Variants in TBC1D5 observed in about 807,000 individuals in gnomAD.
TBC1D5 encodes the protein TBC1 domain family member 5, also known as TBC1 domain family, member 5.
In TBC1D5, 75 loss-of-function variants were observed where a neutral mutation model predicts 100.3. The observed-to-expected ratio is 0.75, with a 90% confidence interval of 0.62 to 0.91. The LOEUF (loss-of-function observed/expected upper bound fraction) is 0.91. Among genes scored for constraint, TBC1D5 ranks in the 40% least tolerant of loss-of-function variants. TBC1D5 has a pLI of 0.00. For missense variants in TBC1D5, 910 were observed against 942.4 expected, an observed-to-expected ratio of 0.97 and a Z score of 0.45; for synonymous variants, 323 against 325.6, an observed-to-expected ratio of 0.99 and a Z score of 0.09.
chr3:17,302,574 G>A (rs1343164567), intron 14 of TBC1D5, among the ~76,000 whole-genome samples: 3 of 152,036 alleles, frequency 2.0e-5, no homozygotes, highest in Non-Finnish European at 4.4e-5. Context: ...TATTTTTGGG[G>A]GATGTGTTCC....
chr3:17,316,381 C>A (rs1487903543), intron 13 of TBC1D5, among the ~76,000 whole-genome samples: 1 of 151,986 alleles, frequency 6.6e-6, no homozygotes, highest in Non-Finnish European at 1.5e-5. Context: ...AGTTGCAGAC[C>A]CCTTTGAGAA....
At chr3:17,607,298 T>C (rs554190389) in intron 2 of TBC1D5, among the ~76,000 whole-genome samples, 1 of 152,176 alleles carries the variant, frequency 6.6e-6, no homozygotes, top group Non-Finnish European at 1.5e-5. Flanking sequence ...AATATCCTTA[T>C]ATAGCAGTGA....
chr3:17,712,688 G>A (rs2074857854), intron 1 of TBC1D5, among the ~76,000 whole-genome samples: 1 of 152,112 alleles, frequency 6.6e-6, no homozygotes, highest in African/African-American at 2.4e-5. Context: ...TCACTTCTCA[G>A]ACAAGAAGGG....
intron 18 of TBC1D5, among the ~76,000 whole-genome samples, chr3:17,200,623 CT>C (rs1191855558): frequency 3.0e-4 from 46 of 152,202 alleles, no homozygotes; most frequent in Admixed American, 3.0e-3. Context: ...TTGGGGACTG[CT>C]GCTATAGTTG....
intron 1 of TBC1D5, among the ~76,000 whole-genome samples, chr3:17,732,457 G>A (rs899662333): frequency 1.3e-5 from 2 of 151,540 alleles, no homozygotes; most frequent in East Asian, 2.0e-4. Flanking sequence ...GGTGGCTCAC[G>A]CCTGTAATCT....
rs58743613 is a variant in TBC1D5, at chr3:17,549,403, T to G, written c.-35-40798A>C. 4.1e-3 allele frequency among the ~76,000 whole-genome samples: 619 copies of G among 152,356 alleles called. 13 individuals carry two copies. In the East Asian group the frequency reaches 0.048, roughly 12 times the overall value. On this transcript the variant is annotated intron_variant, in intron 2 of 21. Coordinates refer to ENST00000253692, the Ensembl canonical transcript of TBC1D5. ...AATTGGTATTTCTTCTGTTCAGTGA[T>G]GTACACTACTACTAGTCATAAAACA...
At chr3:17,699,956 C>A (rs2072892034) in intron 1 of TBC1D5, 1 of 152,118 alleles carries the variant, frequency 6.6e-6, no homozygotes, top group Non-Finnish European at 1.5e-5. Flanking sequence ...ATGCTCTGCC[C>A]CCTGAGATAT....
intron 8 of TBC1D5, among the ~76,000 whole-genome samples, chr3:17,389,626 G>C (rs1015165180): frequency 1.3e-5 from 2 of 152,100 alleles, no homozygotes; most frequent in Non-Finnish European, 2.9e-5. Context: ...CAAACCTTCA[G>C]ATGATTCCAG....
At chr3:17,386,276 A>G (rs575603532) in intron 8 of TBC1D5, among the ~76,000 whole-genome samples, 42 of 152,196 alleles carry the variant, frequency 2.8e-4, no homozygotes, top group African/African-American at 9.9e-4. Context: ...TTCTTTGGAA[A>G]TTTTCTACAC....
intron 1 of TBC1D5, among the ~76,000 whole-genome samples, chr3:17,701,659 A>G (rs1368416703): frequency 2.0e-5 from 3 of 152,184 alleles, no homozygotes; most frequent in Non-Finnish European, 4.4e-5. Flanking sequence ...AAAAGAGAGG[A>G]TATGAACAGT....
At chr3:17,454,047 C>G (rs1181522522) in intron 3 of TBC1D5, among the ~76,000 whole-genome samples, 1 of 152,284 alleles carries the variant, frequency 6.6e-6, no homozygotes, top group African/African-American at 2.4e-5. Flanking sequence ...GAAAAAGCAT[C>G]TGATAAAGTT....
intron 1 of TBC1D5, among the ~76,000 whole-genome samples, chr3:17,640,204 GA>G (rs1473282512): frequency 6.6e-6 from 1 of 152,058 alleles, no homozygotes; most frequent in African/African-American, 2.4e-5. Context: ...TATAGAGCTA[GA>G]ACATTCTTAT....
intron 19 of TBC1D5, among the ~76,000 whole-genome samples, chr3:17,178,080 T>C (rs997791069): frequency 3.3e-5 from 5 of 150,888 alleles, no homozygotes; most frequent in Non-Finnish European, 7.4e-5. Context: ...TTTTTTTTTT[T>C]TTTGAGATGG....
At chr3:17,602,657 C>T (rs1334390796) in intron 2 of TBC1D5, among the ~76,000 whole-genome samples, 1 of 144,678 alleles carries the variant, frequency 6.9e-6, no homozygotes, top group African/African-American at 2.6e-5. Flanking sequence ...ACTGCAAGCT[C>T]CACCTCCTGG....
chr3:17,725,064 CTCTG>C (rs2076014344), intron 1 of TBC1D5, among the ~76,000 whole-genome samples: 3 of 152,238 alleles, frequency 2.0e-5, no homozygotes, highest in East Asian at 3.9e-4. Flanking sequence ...GTTTTATAAT[CTCTG>C]TCTGATATTT....
chr3:17,264,089 C>T (rs952232725), intron 15 of TBC1D5, among the ~76,000 whole-genome samples: 3 of 151,652 alleles, frequency 2.0e-5, no homozygotes, highest in African/African-American at 7.3e-5. Context: ...GCTGACCTAC[C>T]TCCTCTCTGC....
chr3:17,371,414 T>A (rs2152036994), intron 13 of TBC1D5, among the ~76,000 whole-genome samples: 1 of 152,294 alleles, frequency 6.6e-6, no homozygotes, highest in Non-Finnish European at 1.5e-5. Flanking sequence ...CAAAGGGGCC[T>A]TGCATCTTTC....
At chr3:17,479,772 CCTGTTTGGTGGGGCCA>C (rs1225406498) in intron 3 of TBC1D5, among the ~76,000 whole-genome samples, 1 of 152,168 alleles carries the variant, frequency 6.6e-6, no homozygotes, top group Non-Finnish European at 1.5e-5. Context: ...TCAGCAGTGG[CCTGTTTGGTGGGGCCA>C]CTGTGAAGAT....
chr3:17,373,989 A>G (rs1454042792), intron 12 of TBC1D5, among the ~76,000 whole-genome samples: 1 of 152,174 alleles, frequency 6.6e-6, no homozygotes, highest in East Asian at 1.9e-4. Flanking sequence ...TTTAATAGGT[A>G]CAAGTTATGC....
Sources: gnomAD v4.1 joint callset for allele counts (sites outside exome capture counted in the v4.1 genomes callset) on GRCh38, gnomAD v4.1.1 for gene constraint, MANE v1.5 for transcripts, NCBI Gene and HGNC (gene_info 2026-07-23, HGNC 2026-07-21) for gene names.